The following CNTNAP2 variants were observed in gnomAD, a reference collection of about 807,000 sequenced individuals.
The protein encoded by CNTNAP2 is contactin associated protein 2.
CNTNAP2 carries 98 observed loss-of-function variants against 155.2 expected under a neutral mutation model. The ratio of observed to expected loss-of-function variants is 0.63; its 90% CI spans 0.54 to 0.75. The LOEUF (loss-of-function observed/expected upper bound fraction) is 0.75. CNTNAP2 is among the 30% of genes least tolerant of loss of function. The pLI is 0.00. For synonymous variants in CNTNAP2, 651 were observed against 631.2 expected (o/e 1.03, Z -0.47); for missense variants, 1,727 against 1,688.1 (o/e 1.02, Z -0.40).
In CNTNAP2 at chr7:147,363,762, A is replaced by T. The variant is rs1261010798; in HGVS notation, c.1499-31847A>T. Among the ~76,000 whole-genome samples, 5 of 152,334 alleles carry T rather than the reference A, an allele frequency of 3.3e-5. No homozygotes were observed. The East Asian group carries it at 7.7e-4, about 23-fold the overall frequency. On this transcript the variant is annotated intron_variant, in intron 9 of 23. Coordinates refer to ENST00000361727, the MANE Select transcript of CNTNAP2 (RefSeq NM_014141.6). ...GGGCCTTAGGGAAATATACAAAAAA[A>T]GTAATTATGCCAGTAATTCTTTATC...
chr7:146,711,292 CAT>C (rs1801066786), intron 1 of CNTNAP2, among the ~76,000 whole-genome samples: 3 of 144,956 alleles, frequency 2.1e-5, no homozygotes, highest in Non-Finnish European at 3.0e-5. Flanking sequence ...AAAACATAAA[CAT>C]ACATATATGT....
intron 4 of CNTNAP2, among the ~76,000 whole-genome samples, chr7:147,045,006 A>T (rs968326673): frequency 1.3e-5 from 2 of 152,182 alleles, no homozygotes; most frequent in African/African-American, 4.8e-5. Flanking sequence ...TTGTTTCTTT[A>T]TGAGACTGCT....
intron 3 of CNTNAP2, among the ~76,000 whole-genome samples, chr7:146,958,854 T>C (rs1797495567): frequency 6.6e-6 from 1 of 152,142 alleles, no homozygotes; most frequent in Non-Finnish European, 1.5e-5. Context: ...TTTCTCTTCA[T>C]TATGATTCTT....
intron 1 of CNTNAP2, among the ~76,000 whole-genome samples, chr7:146,688,728 A>G (rs1283261048): frequency 6.6e-6 from 1 of 152,150 alleles, no homozygotes; most frequent in Non-Finnish European, 1.5e-5. Flanking sequence ...AGGTCACGGG[A>G]TATGATGGCT....
intron 1 of CNTNAP2, among the ~76,000 whole-genome samples, chr7:146,484,493 G>T (rs989624962): frequency 2.0e-5 from 3 of 152,062 alleles, no homozygotes; most frequent in Non-Finnish European, 4.4e-5. Flanking sequence ...CATCAGATTT[G>T]CAGGATAACA....
intron 11 of CNTNAP2, among the ~76,000 whole-genome samples, chr7:147,523,867 C>A (rs987902773): frequency 2.6e-5 from 4 of 152,152 alleles, no homozygotes; most frequent in Non-Finnish European, 5.9e-5. Context: ...ACGTTACCTG[C>A]AGAAAATAAA....
At chr7:146,499,662 A>G (rs2129132909) in intron 1 of CNTNAP2, among the ~76,000 whole-genome samples, 1 of 151,618 alleles carries the variant, frequency 6.6e-6, no homozygotes, top group East Asian at 1.9e-4. Flanking sequence ...TCATTGTTCA[A>G]CTCCTACTTA....
At chr7:147,347,655 C>G (rs1297226085) in intron 9 of CNTNAP2, among the ~76,000 whole-genome samples, 1 of 151,686 alleles carries the variant, frequency 6.6e-6, no homozygotes, top group Non-Finnish European at 1.5e-5. Context: ...ATAGGAATTA[C>G]ATTCTTCACA....
chr7:146,970,081 A>G (rs1797750779), intron 3 of CNTNAP2, among the ~76,000 whole-genome samples: 1 of 152,218 alleles, frequency 6.6e-6, no homozygotes, highest in Non-Finnish European at 1.5e-5. Flanking sequence ...AAAGACTTAA[A>G]CAATAGACCT....
At position 146,436,340 on chromosome 7, in the gene CNTNAP2, A is replaced by G. The variant is rs182010653; in HGVS notation, c.97+319367A>G. ...TCTTATGTTCTTGCTATTAGCAGGC[A>G]TGTTGATGTGGCTATATATGTTGCA... On this transcript the variant is annotated intron_variant, in intron 1 of 23. Coordinates refer to ENST00000361727, the MANE Select transcript of CNTNAP2 (RefSeq NM_014141.6). Among the ~76,000 whole-genome samples, 635 of 152,286 alleles carry G rather than the reference A, an allele frequency of 4.2e-3. 5 individuals are homozygous for G. Among genetic ancestry groups the G allele is most frequent in the African/African-American group, 0.013 (560 of 41,562 alleles).
chr7:148,015,515 C>T (rs750908492), intron 15 of CNTNAP2, among the ~76,000 whole-genome samples: 1 of 152,200 alleles, frequency 6.6e-6, no homozygotes, highest in Non-Finnish European at 1.5e-5. Flanking sequence ...ATTTTTGCTG[C>T]TACTGTTCTG....
chr7:146,678,180 T>C (rs1202852269), intron 1 of CNTNAP2, among the ~76,000 whole-genome samples: 1 of 152,026 alleles, frequency 6.6e-6, no homozygotes, highest in Non-Finnish European at 1.5e-5. Context: ...GCAATTCTCC[T>C]GCCTCAGCCT....
intron 3 of CNTNAP2, among the ~76,000 whole-genome samples, chr7:146,979,442 AT>A (rs1481962079): frequency 5.3e-5 from 8 of 152,202 alleles, no homozygotes; most frequent in African/African-American, 1.7e-4. Flanking sequence ...AGAGTGCTTT[AT>A]TGATACTCAA....
At chr7:148,354,608 C>T (rs1417279367) in intron 21 of CNTNAP2, among the ~76,000 whole-genome samples, 2 of 151,930 alleles carry the variant, frequency 1.3e-5, no homozygotes, top group African/African-American at 2.4e-5. Context: ...GGTGAGGGGG[C>T]GACCGGGAGG....
Position 148,383,794 on chromosome 7 carries a change from C to A in CNTNAP2, c.3621C>A (p.Gly1207=). Residue 1207 remains glycine, a synonymous_variant, in exon 22 of 24, where the codon GGC becomes GGA. Coordinates refer to ENST00000361727, the MANE Select transcript of CNTNAP2 (RefSeq NM_014141.6). ...CCTCGGCTCACGTCCACATCCAGGG[C>A]GAGCTGGTGGAGTCCAACTGCGGGG... The part of the protein sequence containing the change: ...TNASAHVHIQ[G]ELVESNCGAS... 6.2e-7 allele frequency: 1 copy of A among 1,614,170 alleles called. No homozygotes were observed. Among genetic ancestry groups the A allele is most frequent in the Non-Finnish European group, 8.5e-7 (1 of 1,180,038 alleles).
intron 13 of CNTNAP2, among the ~76,000 whole-genome samples, chr7:147,884,119 A>C (rs1205775124): frequency 6.6e-6 from 1 of 152,204 alleles, no homozygotes; most frequent in Non-Finnish European, 1.5e-5. Flanking sequence ...ATATTAAGGA[A>C]AGAGAATTTC....
chr7:147,990,680 A>G (rs1159404406), intron 15 of CNTNAP2, among the ~76,000 whole-genome samples: 1 of 151,750 alleles, frequency 6.6e-6, no homozygotes, highest in African/African-American at 2.4e-5. Flanking sequence ...CGATTTTTTT[A>G]TCAAGGGGAA....
chr7:146,628,826 C>A (rs552737365), intron 1 of CNTNAP2, among the ~76,000 whole-genome samples: 1 of 152,126 alleles, frequency 6.6e-6, no homozygotes, highest in East Asian at 1.9e-4. Context: ...ATCATTTAAG[C>A]AGCTACAAAT....
intron 12 of CNTNAP2, among the ~76,000 whole-genome samples, chr7:147,562,847 A>T (rs1800090733): frequency 6.6e-6 from 1 of 152,186 alleles, no homozygotes; most frequent in African/African-American, 2.4e-5. Context: ...AAATGTGCAG[A>T]TCTCTAAGAT....
Sources: allele counts gnomAD v4.1 joint callset (sites outside exome capture counted in the v4.1 genomes callset), GRCh38; gene constraint gnomAD v4.1.1; transcripts MANE v1.5; gene names NCBI Gene and HGNC (gene_info 2026-07-23, HGNC 2026-07-21).